Variants in CELF2 observed in about 807,000 individuals in gnomAD.
The protein encoded by CELF2 is CUG triplet repeat RNA-binding protein 2.
In CELF2, 8 loss-of-function variants were observed where a neutral mutation model predicts 62.6. That is an observed-to-expected ratio of 0.13 (90% CI 0.07 to 0.23). The LOEUF is 0.23. Ranked by LOEUF, CELF2 falls within the 10% of genes least tolerant of loss-of-function variation. CELF2 has a pLI of 1.00. For missense variants in CELF2, 333 were observed against 671.0 expected, an observed-to-expected ratio of 0.50 and a Z score of 5.56; for synonymous variants, 258 against 250.0, an observed-to-expected ratio of 1.03 and a Z score of -0.30.
intron 2 of CELF2, among the ~76,000 whole-genome samples, chr10:11,193,256 G>A (rs1197495699): frequency 1.3e-5 from 2 of 152,228 alleles, no homozygotes. Context: ...TTGCTTCCTG[G>A]TTGGAAAACC....
At chr10:10,525,285 C>T in the CELF2 span, among the ~76,000 whole-genome samples, 10 of 152,334 alleles carry the variant, frequency 6.6e-5, no homozygotes, top group Admixed American at 2.0e-4. Context: ...GTCCAACCCA[C>T]GACCCACAGA....
the CELF2 span, among the ~76,000 whole-genome samples, chr10:10,479,652 G>A: frequency 2.0e-5 from 3 of 152,120 alleles, no homozygotes; most frequent in Non-Finnish European, 4.4e-5. Context: ...AAGAATACGA[G>A]CTCTGGAACC....
At chr10:11,128,284 C>A (rs1054375902) in intron 1 of CELF2, among the ~76,000 whole-genome samples, 4 of 152,126 alleles carry the variant, frequency 2.6e-5, no homozygotes, top group Non-Finnish European at 4.4e-5. Context: ...ATTACTGTAG[C>A]CTTGTAGTAT....
intron 1 of CELF2, among the ~76,000 whole-genome samples, chr10:10,876,076 A>G (rs569724488): frequency 6.6e-6 from 1 of 152,294 alleles, no homozygotes; most frequent in East Asian, 1.9e-4. Context: ...TGTCATTAAA[A>G]CACAATTGTG....
At chr10:11,133,961 T>C (rs2060004720) in intron 1 of CELF2, among the ~76,000 whole-genome samples, 1 of 152,254 alleles carries the variant, frequency 6.6e-6, no homozygotes, top group Admixed American at 6.5e-5. Context: ...GTTGTATTTT[T>C]TTACAGTTGT....
Position 11,012,503 on chromosome 10 carries a change from A to G in CELF2, c.53+7063A>G, listed in dbSNP as rs2056625141. Among the ~76,000 whole-genome samples, 1 of 151,842 alleles carries G rather than the reference A, an allele frequency of 6.6e-6. No individual in the cohort carries two copies. Among genetic ancestry groups the G allele is most frequent in the African/African-American group, 2.4e-5 (1 of 41,296 alleles). The stretch of plus-strand genomic sequence containing the variant: ...GCCAAGATCCGTCTCAGACAACCCC[A>G]CCCTCAAGCTTACCACATCCATTTC... On this transcript the variant is annotated intron_variant, in intron 1 of 12. Coordinates refer to the CELF2 transcript ENST00000416382. This position sits in a 1 kb window ranked among gnomAD's most constrained non-coding sequence, Gnocchi z 5.5.
intron 2 of CELF2, among the ~76,000 whole-genome samples, chr10:11,198,296 A>G (rs1298857157): frequency 3.3e-5 from 5 of 152,216 alleles, no homozygotes; most frequent in South Asian, 2.1e-4. Flanking sequence ...AGTGACTGAT[A>G]AAAACTGCAT....
intron 1 of CELF2, among the ~76,000 whole-genome samples, chr10:11,109,764 G>A (rs182705165): frequency 3.3e-5 from 5 of 152,288 alleles, no homozygotes; most frequent in South Asian, 2.1e-4. Context: ...AGGAAGCAAC[G>A]CTTGTGCTCT....
Position 11,242,909 on chromosome 10 carries a change from AC to A in CELF2, c.355-6242del, listed in dbSNP as rs2074405921. On this transcript the variant is annotated intron_variant, in intron 3 of 12. Transcript: ENST00000633077. This position sits in a 1 kb window ranked among gnomAD's most constrained non-coding sequence, Gnocchi z 4.8. ...GGTCCGCCACCAACAGATGGCTCCTACCAGGGCGACAGGGACGGAGGCGCCG... is the reference window on the plus strand; with the variant it reads ...GGTCCGCCACCAACAGATGGCTCCTACAGGGCGACAGGGACGGAGGCGCCG... Among the ~76,000 whole-genome samples, 1 of 152,272 alleles carries A rather than the reference AC, an allele frequency of 6.6e-6. No individual in the cohort carries two copies. Among genetic ancestry groups the A allele is most frequent in the Admixed American group, 6.5e-5 (1 of 15,302 alleles).
intron 2 of CELF2, among the ~76,000 whole-genome samples, chr10:10,979,191 G>A (rs778519378): frequency 2.1e-4 from 32 of 152,144 alleles, no homozygotes; most frequent in Non-Finnish European, 2.9e-4. Context: ...ACACACCCAC[G>A]TTTATGTATC....
the CELF2 span, among the ~76,000 whole-genome samples, chr10:10,600,070 G>C: frequency 6.6e-6 from 1 of 152,042 alleles, no homozygotes; most frequent in Admixed American, 6.6e-5. Context: ...CTGACCTTCT[G>C]CACAAATGCA....
At position 10,924,281 on chromosome 10, in the gene CELF2, CAAAAAAAAAAAAA is replaced by C. The variant is rs11415164; in HGVS notation, c.89+4299_89+4311del. Among the ~76,000 whole-genome samples the C allele has an allele frequency of 4.0e-4, 18 of 45,104 alleles. No homozygotes were observed. The South Asian group carries it at 0.018, about 46-fold the overall frequency. The allele number at this position is 45,104 out of a possible 152,430, so 29.6% of individuals were successfully genotyped here. A position where few individuals can be genotyped will look rare whatever the true frequency, so the allele number is the denominator to read the frequency against. ...TGGGCAACACAGCGAGACTCCGTCC[CAAAAAAAAAAAAA>C]AAAAAAAAAAAAAAAAGATATAAAC... On this transcript the variant is annotated intron_variant, in intron 2 of 13. Coordinates refer to the CELF2 transcript ENST00000636488.
chr10:10,609,889 C>A, the CELF2 span, among the ~76,000 whole-genome samples: 1 of 152,184 alleles, frequency 6.6e-6, no homozygotes, highest in Non-Finnish European at 1.5e-5. Flanking sequence ...AATATACAAA[C>A]CCTCAAAGAT....
At chr10:11,286,868 A>C (rs1489045890) in intron 8 of CELF2, among the ~76,000 whole-genome samples, 1 of 152,226 alleles carries the variant, frequency 6.6e-6, no homozygotes, top group Non-Finnish European at 1.5e-5. Flanking sequence ...CTTTCAACCT[A>C]AGCCAAAAGG....
chr10:10,468,697 A>T, the CELF2 span, among the ~76,000 whole-genome samples: 3 of 151,954 alleles, frequency 2.0e-5, no homozygotes, highest in South Asian at 2.1e-4. Context: ...TCACAATTTG[A>T]TGTGGACCAT....
the CELF2 span, among the ~76,000 whole-genome samples, chr10:10,662,939 G>A: frequency 2.0e-5 from 3 of 152,292 alleles, no homozygotes; most frequent in Non-Finnish European, 1.5e-5. Flanking sequence ...CCCCATTCCA[G>A]CTTCTTGGTC....
At chr10:10,922,328 A>G (rs1179108694) in intron 2 of CELF2, among the ~76,000 whole-genome samples, 1 of 152,146 alleles carries the variant, frequency 6.6e-6, no homozygotes, top group Non-Finnish European at 1.5e-5. Context: ...GCATCCCATC[A>G]TGTGTGGGCA....
At chr10:10,527,723 T>C in the CELF2 span, among the ~76,000 whole-genome samples, 1 of 152,152 alleles carries the variant, frequency 6.6e-6, no homozygotes, top group African/African-American at 2.4e-5. Context: ...TGACAACAGT[T>C]CTTTATGCGG....
chr10:11,062,000 C>T (rs983962134), intron 1 of CELF2, among the ~76,000 whole-genome samples: 31 of 152,290 alleles, frequency 2.0e-4, no homozygotes, highest in Middle Eastern at 3.4e-3. Flanking sequence ...TTAGTAGCGA[C>T]GGGGTTTCAC....
Sources: gnomAD v4.1 joint callset for allele counts (sites outside exome capture counted in the v4.1 genomes callset) on GRCh38, gnomAD v4.1.1 for gene constraint, Gnocchi (gnomAD v3.1) non-coding constraint, MANE v1.5 for transcripts, NCBI Gene and HGNC (gene_info 2026-07-23, HGNC 2026-07-21) for gene names.